XIRP2: variants seen among roughly 807,000 people sequenced by gnomAD.
XIRP2 encodes the protein xin actin binding repeat containing 2.
In XIRP2, 236 loss-of-function variants were observed where a neutral mutation model predicts 277.0. The ratio of observed to expected loss-of-function variants is 0.85; its 90% CI spans 0.77 to 0.95. The LOEUF (loss-of-function observed/expected upper bound fraction) is 0.95. XIRP2 is among the 40% of genes least tolerant of loss of function. The pLI is 0.00. For synonymous variants in XIRP2, 1,490 were observed against 1,416.5 expected (o/e 1.05, Z -1.17); for missense variants, 4,640 against 4,157.5 (o/e 1.12, Z -3.19).
At chr2:167,242,429 C>A in intron 8 of XIRP2, 140 bp from the exon 9 acceptor site, 1 of 813,576 alleles carries the variant, frequency 1.2e-6, no homozygotes, top group South Asian at 2.3e-5. Context: ...CTAAGTTGGT[C>A]TTTAAATGAG....
intron 2 of XIRP2, among the ~76,000 whole-genome samples, chr2:167,021,404 ATTATT>A (rs1447327564): frequency 2.6e-5 from 4 of 152,254 alleles, no homozygotes; most frequent in South Asian, 4.1e-4. Context: ...AAAACAGTAT[ATTATT>A]TTAATTATAG....
At chr2:167,019,458 G>A (rs749479913) in intron 2 of XIRP2, among the ~76,000 whole-genome samples, 4 of 151,968 alleles carry the variant, frequency 2.6e-5, no homozygotes, top group Non-Finnish European at 5.9e-5. Context: ...ATATAGAAGG[G>A]CTTGACCTCT....
chr2:167,043,824 A>G (rs917791617), intron 2 of XIRP2, among the ~76,000 whole-genome samples: 1 of 151,888 alleles, frequency 6.6e-6, no homozygotes, highest in Non-Finnish European at 1.5e-5. Context: ...GGGTTCCTTT[A>G]TTATGTTTAT....
rs755338272 is a variant in XIRP2, at chr2:167,246,485, A to G, written c.5093A>G (p.Asn1698Ser). The part of the protein sequence containing the change: ...NMTIYCLLHE[N>S]DGDTIEREEV... ...ACTATCTATTGTCTTCTTCATGAAA[A>G]TGATGGTGACACAATTGAGCGTGAA... The change falls in exon 9 of 11, where the codon AAT becomes AGT. Residue 1698 changes from asparagine (N) to serine (S), a missense_variant. Physicochemically the swap from Asn to Ser is conservative, Grantham distance 46 (BLOSUM62 1). Transcript: ENST00000409195. The G allele has an allele frequency of 3.7e-6, 6 of 1,613,710 alleles. No individual in the cohort carries two copies. In the Admixed American group the frequency reaches 1.0e-4, roughly 27 times the overall value.
intron 2 of XIRP2, among the ~76,000 whole-genome samples, chr2:167,131,987 C>T (rs1467642367): frequency 6.6e-6 from 1 of 151,994 alleles, no homozygotes; most frequent in East Asian, 1.9e-4. Context: ...CTCCCATTCT[C>T]ACTCCCTCTC....
intron 3 of XIRP2, among the ~76,000 whole-genome samples, chr2:167,149,087 T>C (rs1378269090): frequency 6.6e-6 from 1 of 152,100 alleles, no homozygotes; most frequent in Non-Finnish European, 1.5e-5. Context: ...AAAAATATGC[T>C]TACTTCAATC....
intron 2 of XIRP2, among the ~76,000 whole-genome samples, chr2:166,968,256 C>G (rs1686480312): frequency 6.6e-6 from 1 of 151,852 alleles, no homozygotes; most frequent in African/African-American, 2.4e-5. Context: ...GGAGGTCTTT[C>G]CAGTTCTGAA....
intron 4 of XIRP2, 130 bp from the exon 5 acceptor site, chr2:167,218,036 A>T: frequency 1.5e-6 from 1 of 688,098 alleles, no homozygotes; most frequent in South Asian, 5.5e-5. Context: ...ACATACTGAA[A>T]TAATGGTGTA....
intron 3 of XIRP2, among the ~76,000 whole-genome samples, chr2:167,154,378 A>G (rs900005057): frequency 1.3e-5 from 2 of 151,452 alleles, no homozygotes; most frequent in African/African-American, 4.9e-5. Context: ...CTCTGAAGGT[A>G]GTTTCTTTTG....
intron 2 of XIRP2, among the ~76,000 whole-genome samples, chr2:166,996,548 C>T (rs1017514673): frequency 6.6e-6 from 1 of 152,040 alleles, no homozygotes; most frequent in South Asian, 2.1e-4. Context: ...AATTGCTTGA[C>T]CCCAGGAGGC....
chr2:167,143,167 T>C (rs1691769828), intron 3 of XIRP2, among the ~76,000 whole-genome samples: 1 of 152,156 alleles, frequency 6.6e-6, no homozygotes, highest in Non-Finnish European at 1.5e-5. Flanking sequence ...ACTATGGACC[T>C]GCCCCTGTGC....
intron 2 of XIRP2, among the ~76,000 whole-genome samples, chr2:167,128,528 G>T (rs139955223): frequency 6.6e-6 from 1 of 152,142 alleles, no homozygotes; most frequent in African/African-American, 2.4e-5. Context: ...AGACTTGAAC[G>T]TGTATGGGTT....
At chr2:166,905,267 C>T (rs58549466) in intron 2 of XIRP2, among the ~76,000 whole-genome samples, 46,468 of 151,544 alleles carry the variant, frequency 0.31, 7,702 homozygotes, top group East Asian at 0.59. Flanking sequence ...CCATTCAATC[C>T]CTCTTGACTT....
intron 2 of XIRP2, among the ~76,000 whole-genome samples, chr2:167,044,621 C>T (rs1170513946): frequency 1.3e-5 from 2 of 152,050 alleles, no homozygotes; most frequent in African/African-American, 4.8e-5. Flanking sequence ...TTTCTGTGCA[C>T]CACTAATCTC....
chr2:167,257,857 T>C lies in XIRP2; in HGVS notation c.*40T>C. 1 of 1,583,806 alleles carries C rather than the reference T, an allele frequency of 6.3e-7. No individual in the cohort carries two copies. Among genetic ancestry groups the C allele is most frequent in the Non-Finnish European group, 8.6e-7 (1 of 1,168,558 alleles). ...TAAGTGTTCTTTTTCTTTTTGGCAG[T>C]TTGGGAAATTATGCATCACTTCATG... On this transcript the variant is annotated splice_region_variant and 3_prime_UTR_variant, in exon 11 of 11. Transcript: ENST00000409195.
Position 167,245,092 on chromosome 2 carries a change from G to C in XIRP2, c.3700G>C (p.Gly1234Arg), listed in dbSNP as rs1328014586. The change falls in exon 9 of 11, where the codon GGC becomes CGC. Residue 1234 changes from glycine (G) to arginine (R), a missense_variant. Gly to Arg is a moderately radical substitution (Grantham distance 125). Coordinates refer to ENST00000409195, the MANE Select transcript of XIRP2 (RefSeq NM_152381.6). ...KTLKTEDIQK[G>R]NVLNCRWLFE... ...CTTAAAAACTGAAGATATTCAGAAAGGCAATGTTTTAAATTGTAGGTGGCT... is the reference window on the plus strand; with the variant it reads ...CTTAAAAACTGAAGATATTCAGAAACGCAATGTTTTAAATTGTAGGTGGCT... 1.2e-6 allele frequency: 2 copies of C among 1,610,160 alleles called. No homozygotes were observed. The highest frequency in any genetic ancestry group is 1.7e-6 in the Non-Finnish European group (2 of 1,178,966).
At chr2:167,185,833 A>G (rs181317634) in intron 3 of XIRP2, among the ~76,000 whole-genome samples, 1 of 152,296 alleles carries the variant, frequency 6.6e-6, no homozygotes, top group Admixed American at 6.5e-5. Context: ...TATCTATATT[A>G]TCTCATTTCA....
At chr2:167,235,272 A>G (rs932542006) in intron 5 of XIRP2, among the ~76,000 whole-genome samples, 2 of 151,860 alleles carry the variant, frequency 1.3e-5, no homozygotes, top group African/African-American at 4.8e-5. Context: ...ATCTGTGAAG[A>G]GACTCCTCTT....
chr2:166,940,879 G>C lies in XIRP2; in HGVS notation c.408+36989G>C, dbSNP rs557300715. 5.9e-5 allele frequency among the ~76,000 whole-genome samples: 9 copies of C among 152,282 alleles called. No individual in the cohort carries two copies. The East Asian group carries it at 1.7e-3, about 29-fold the overall frequency. On this transcript the variant is annotated intron_variant, in intron 2 of 10. Transcript: ENST00000409195. ...CTACTTGGGGGTGCCTCCCTGTTAG[G>C]CTACTCGGGGGTCAGGGACCCACTT... is the stretch of plus-strand genomic sequence containing the variant.
Sources: gnomAD v4.1 joint callset for allele counts (sites outside exome capture counted in the v4.1 genomes callset) on GRCh38, gnomAD v4.1.1 for gene constraint, MANE v1.5 for transcripts, NCBI Gene and HGNC (gene_info 2026-07-23, HGNC 2026-07-21) for gene names.